PPP2R3B: variants seen among roughly 807,000 people sequenced by gnomAD.
PPP2R3B encodes protein phosphatase 2 regulatory subunit B''beta.
A neutral mutation model predicts 72.9 loss-of-function variants in PPP2R3B; 68 were observed. The observed-to-expected ratio is 0.93, with a 90% CI of 0.77 to 1.14. The LOEUF is 1.14. Among genes scored for constraint, PPP2R3B ranks in the 50% most tolerant of loss-of-function variants. PPP2R3B has a pLI of 0.00. For synonymous variants in PPP2R3B, 466 were observed against 375.8 expected (o/e 1.24, Z -2.78); for missense variants, 1,018 against 842.0 (o/e 1.21, Z -2.59).
Position 334,459 on chromosome X carries a change from C to G in PPP2R3B, c.1636G>C (p.Ala546Pro), listed in dbSNP as rs200630991. The G allele has an allele frequency of 2.5e-6, 4 of 1,595,318 alleles. No individual in the cohort carries two copies. The East Asian group carries it at 9.0e-5, about 36-fold the overall frequency. The part of the protein sequence containing the change: ...QKLSALRSPL[A>P]QRPFFEAPSP... ...GGCGCCTCGAAGAAGGGCCTCTGGG[C>G]CAGCGGGGAGCGCAGCGCACTCAGC... is the stretch of plus-strand genomic sequence containing the variant. Residue 546 changes from alanine to proline, a missense_variant, in exon 13 of 13, where the codon GCC becomes CCC. Transcript: ENST00000390665.
rs757403316 is a variant in PPP2R3B at position 345,325 on chromosome X, G to A, written c.1036+191C>T. The A allele has an allele frequency of 2.4e-4, 200 of 835,078 alleles. No homozygotes were observed. The East Asian group carries it at 5.3e-3, about 22-fold the overall frequency. 51.7% of individuals were successfully genotyped at this position (835,078 alleles called of 1,614,324 possible). A position where few individuals can be genotyped will look rare whatever the true frequency, so the allele number is the denominator to read the frequency against. ...AGGCCTCGGGCAGAGGCGCACGCGGGGACCCAGACACGGGGCAGCGACTGG... is the reference window on the plus strand; with the variant it reads ...AGGCCTCGGGCAGAGGCGCACGCGGAGACCCAGACACGGGGCAGCGACTGG... On this transcript the variant is annotated intron_variant, in intron 7 of 12. Transcript: ENST00000390665.
chrX:354,946 G>C (rs780382394), intron 2 of PPP2R3B, among the ~76,000 whole-genome samples: 5 of 152,346 alleles, frequency 3.3e-5, no homozygotes, highest in African/African-American at 9.6e-5. Flanking sequence ...CTGCGTCACG[G>C]ACGACTTGAG....
intron 7 of PPP2R3B, chrX:345,231 C>A (rs1204219970): frequency 1.5e-6 from 1 of 658,538 alleles, no homozygotes; most frequent in Admixed American, 2.1e-5. Context: ...CCCCACAGCG[C>A]TGCTGGCCCT....
At chrX:354,266 C>G (rs1426337343) in intron 2 of PPP2R3B, among the ~76,000 whole-genome samples, 1 of 146,152 alleles carries the variant, frequency 6.8e-6, no homozygotes. Context: ...ACCCAAACAC[C>G]AGGGGCTCAC....
At position 364,537 on chromosome X, in the gene PPP2R3B, G is replaced by A. The variant is rs1454148722; in HGVS notation, c.325-2947C>T. 4.4e-4 allele frequency among the ~76,000 whole-genome samples: 61 copies of A among 137,466 alleles called. 1 individual carries two copies. The highest frequency in any genetic ancestry group is 1.4e-3 in the African/African-American group (51 of 37,332). The allele number at this position is 137,466 out of a possible 152,430, so 90.2% of individuals were successfully genotyped here. A position where few individuals can be genotyped will look rare whatever the true frequency, so the allele number is the denominator to read the frequency against. ...AAAAAAAAACAAAAAAAAAAAAACA[G>A]AAAACAAAAAACAAAAAGAGTATAA... On this transcript the variant is annotated intron_variant, in intron 1 of 12. Coordinates refer to ENST00000390665, the MANE Select transcript of PPP2R3B (RefSeq NM_013239.5).
intron 2 of PPP2R3B, among the ~76,000 whole-genome samples, chrX:353,744 T>C (rs1012105198): frequency 1.7e-4 from 26 of 151,778 alleles, no homozygotes; most frequent in African/African-American, 6.3e-4. Flanking sequence ...GACCGGGGGC[T>C]GGGGGCTCAC....
chrX:381,036 T>A (rs779413577), intron 1 of PPP2R3B, among the ~76,000 whole-genome samples: 1 of 152,006 alleles, frequency 6.6e-6, no homozygotes, highest in Non-Finnish European at 1.5e-5. Flanking sequence ...CCTGGGATCT[T>A]CCTGCCTCAG....
intron 1 of PPP2R3B, among the ~76,000 whole-genome samples, chrX:364,751 C>CAG (rs1387450851): frequency 1.3e-5 from 1 of 74,650 alleles, no homozygotes; most frequent in South Asian, 6.0e-4. Context: ...GGTGTGGTGG[C>CAG]GCATGCCTGT....
rs1340551534 is a variant in PPP2R3B, at chrX:346,736, C to T, written c.757G>A (p.Glu253Lys). The part of the protein sequence containing the change: ...NTHPGLSFLK[E>K]ASEFHSRYIT... The stretch of plus-strand genomic sequence containing the variant: ...TAGCGCGAGTGGAACTCGGACGCCT[C>T]CTTCAGGAACGACAGCCCCGGGTGC... The change falls in exon 5 of 13, where the codon GAG becomes AAG. Residue 253 changes from glutamate (E) to lysine (K), a missense_variant. Physicochemically the swap from Glu to Lys is moderately conservative, Grantham distance 56. Transcript: ENST00000390665. The T allele has an allele frequency of 5.6e-6, 9 of 1,610,592 alleles. No homozygotes were observed. Among genetic ancestry groups the T allele is most frequent in the Non-Finnish European group, 7.6e-6 (9 of 1,178,824 alleles).
At chrX:370,312 T>C (rs1185584333) in intron 1 of PPP2R3B, among the ~76,000 whole-genome samples, 1 of 152,220 alleles carries the variant, frequency 6.6e-6, no homozygotes, top group East Asian at 1.9e-4. Context: ...CTCAGACACA[T>C]GACTGCAGCC....
intron 1 of PPP2R3B, among the ~76,000 whole-genome samples, chrX:364,697 G>A (rs1293108743): frequency 2.4e-4 from 15 of 63,234 alleles, no homozygotes; most frequent in Non-Finnish European, 3.3e-4. Flanking sequence ...CAGCCTGGGC[G>A]ACAGAGTGAG....
In PPP2R3B at chrX:356,851, C is replaced by G. The variant is rs56688331; in HGVS notation, c.510+4554G>C. ...AGCCCCACGGTAACCACGCCTTGGC[C>G]AGCCACACAGCGAGCCCCACAGTAT... On this transcript the variant is annotated intron_variant, in intron 2 of 12. Transcript: ENST00000390665. 8.8e-3 allele frequency among the ~76,000 whole-genome samples: 751 copies of G among 84,970 alleles called. 14 individuals carry two copies. The highest frequency in any genetic ancestry group is 0.034 in the African/African-American group (712 of 20,796). 55.7% of individuals were successfully genotyped at this position (84,970 alleles called of 152,430 possible). A position where few individuals can be genotyped will look rare whatever the true frequency, so the allele number is the denominator to read the frequency against.
rs1398735750 is a variant in PPP2R3B at position 347,419 on chromosome X, G to T, written c.615-83C>A. ...AGACGCAGGGTGGAACACGTGTGTG[G>T]TGTTCCACGTGGTGCGTGGCAGGTG... On this transcript the variant is annotated intron_variant, in intron 3 of 12. Coordinates refer to ENST00000390665, the MANE Select transcript of PPP2R3B (RefSeq NM_013239.5). 4.3e-6 allele frequency: 6 copies of T among 1,408,396 alleles called. No individual in the cohort carries two copies. The Admixed American group carries it at 1.0e-4, about 24-fold the overall frequency. 87.2% of individuals were successfully genotyped at this position (1,408,396 alleles called of 1,614,324 possible). A position where few individuals can be genotyped will look rare whatever the true frequency, so the allele number is the denominator to read the frequency against.
rs770469103 is a variant in PPP2R3B at position 334,542 on chromosome X, G to A, written c.1578-25C>T. The A allele has an allele frequency of 1.0e-4, 158 of 1,511,742 alleles. 1 individual carries two copies. In the Admixed American group the frequency reaches 2.9e-3, roughly 28 times the overall value. The allele number at this position is 1,511,742 out of a possible 1,614,324, so 93.6% of individuals were successfully genotyped here. A position where few individuals can be genotyped will look rare whatever the true frequency, so the allele number is the denominator to read the frequency against. Reference sequence around the variant, plus strand: ...CCTGCAACGAGGGGATGGCGAAGACGTGGCCAGCAGCGCGGAGCAGGCCCT... The same window carrying A: ...CCTGCAACGAGGGGATGGCGAAGACATGGCCAGCAGCGCGGAGCAGGCCCT... On this transcript the variant is annotated intron_variant, in intron 12 of 12. Coordinates refer to ENST00000390665, the MANE Select transcript of PPP2R3B (RefSeq NM_013239.5).
Position 334,182 on chromosome X carries a change from GCA to G in PPP2R3B, c.*183_*184del. 4.7e-6 allele frequency: 3 copies of G among 632,556 alleles called. No individual in the cohort carries two copies. The South Asian group carries it at 9.4e-5, about 20-fold the overall frequency. The allele number at this position is 632,556 out of a possible 1,614,324, so 39.2% of individuals were successfully genotyped here. On this transcript the variant is annotated 3_prime_UTR_variant, in exon 13 of 13. Coordinates refer to ENST00000390665, the MANE Select transcript of PPP2R3B (RefSeq NM_013239.5). ...ACGCGCGGCCCTACGTGTCCCCCTG[GCA>G]CAGAGCTCTGGGCAGGTCCAGCCAC...
chrX:375,581 G>A (rs1016964828), intron 1 of PPP2R3B, among the ~76,000 whole-genome samples: 19 of 150,592 alleles, frequency 1.3e-4, no homozygotes, highest in Non-Finnish European at 2.5e-4. Flanking sequence ...GGACAGAGGT[G>A]CCGCCCAGTC....
chrX:386,334 T>C, intron 1 of PPP2R3B, 34 bp downstream of exon 1: 2 of 1,301,670 alleles, frequency 1.5e-6, no homozygotes, highest in Non-Finnish European at 2.0e-6. Context: ...CAGAGCCACC[T>C]GCGCAGTTGT....
At position 338,912 on chromosome X, in the gene PPP2R3B, T is replaced by G. The variant is rs758788299; in HGVS notation, c.1352-16A>C. ...GTGATCTTCCCTGCGGGGAGGGGAG[T>G]GCGTCCAAGGCGCGTGAGCCCGGTC... On this transcript the variant is annotated splice_polypyrimidine_tract_variant and intron_variant, in intron 10 of 12. Coordinates refer to ENST00000390665, the MANE Select transcript of PPP2R3B (RefSeq NM_013239.5). 6.2e-6 allele frequency: 10 copies of G among 1,607,760 alleles called. No homozygotes were observed. The East Asian group carries it at 2.2e-4, about 36-fold the overall frequency.
At chrX:360,707 C>T (rs1202359818) in intron 2 of PPP2R3B, among the ~76,000 whole-genome samples, 1 of 152,194 alleles carries the variant, frequency 6.6e-6, no homozygotes, top group Non-Finnish European at 1.5e-5. Flanking sequence ...TGGCCAGCGA[C>T]TCCACCTGGA....
Sources: gnomAD v4.1 joint callset for allele counts (sites outside exome capture counted in the v4.1 genomes callset) on GRCh38, gnomAD v4.1.1 for gene constraint, MANE v1.5 for transcripts, NCBI Gene and HGNC (gene_info 2026-07-23, HGNC 2026-07-21) for gene names.